Variants in CUL3 observed in about 807,000 individuals in gnomAD.
CUL3 encodes cullin-3.
Under a neutral mutation model 89.1 loss-of-function variants are expected in CUL3, and 19 were observed. That is an observed-to-expected ratio of 0.21 (90% CI 0.15 to 0.31). The LOEUF (loss-of-function observed/expected upper bound fraction) is 0.31, where lower values mean the gene tolerates loss of function less well. CUL3 is among the 10% of genes least tolerant of loss of function. CUL3 has a pLI of 1.00. For missense variants in CUL3, 469 were observed against 942.3 expected, an observed-to-expected ratio of 0.50 and a Z score of 6.58; for synonymous variants, 351 against 308.4, an observed-to-expected ratio of 1.14 and a Z score of -1.45.
chr2:224,505,027 G>A (rs1437978052), intron 8 of CUL3, among the ~76,000 whole-genome samples: 1 of 152,050 alleles, frequency 6.6e-6, no homozygotes, highest in East Asian at 1.9e-4. Flanking sequence ...AGAACCAGAT[G>A]AGAGCAAACA....
chr2:224,535,379 A>T, intron 3 of CUL3, 149 bp downstream of exon 3: 1 of 489,364 alleles, frequency 2.0e-6, no homozygotes, highest in Non-Finnish European at 3.6e-6. Flanking sequence ...CACGCTGGCC[A>T]GGCTGGTCTC....
chr2:224,545,562 C>T (rs1375106385), intron 2 of CUL3, among the ~76,000 whole-genome samples: 1 of 152,140 alleles, frequency 6.6e-6, no homozygotes, highest in Non-Finnish European at 1.5e-5. Flanking sequence ...AAATCAGGTC[C>T]TATTATCAGA....
Position 224,470,477 on chromosome 2 carries a change from ATCAT to A in CUL3, c.*3764_*3767del, listed in dbSNP as rs1691087239. On this transcript the variant is annotated 3_prime_UTR_variant, in exon 16 of 16. Transcript: ENST00000264414. ...AGCTGGCGTAATGGCCAATCTCTGT[ATCAT>A]TACCTGTTAAATTTATCTGCCATTC... The A allele has an allele frequency of 4.3e-6, 1 of 229,916 alleles. No individual in the cohort carries two copies. Among genetic ancestry groups the A allele is most frequent in the African/African-American group, 2.2e-5 (1 of 44,864 alleles). The allele number at this position is 229,916 out of a possible 1,614,324, so 14.2% of individuals were successfully genotyped here. A position where few individuals can be genotyped will look rare whatever the true frequency, so the allele number is the denominator to read the frequency against.
At chr2:224,482,299 TG>T (rs1691565069) in intron 13 of CUL3, among the ~76,000 whole-genome samples, 1 of 152,108 alleles carries the variant, frequency 6.6e-6, no homozygotes, top group African/African-American at 2.4e-5. Flanking sequence ...TAAAAAGACA[TG>T]TACTTTTTTG....
At chr2:224,569,720 A>G (rs1323615616) in intron 1 of CUL3, 2 of 1,220,720 alleles carry the variant, frequency 1.6e-6, no homozygotes, top group East Asian at 1.5e-4. Flanking sequence ...TACTGAGAGA[A>G]CTACATCATG....
intron 1 of CUL3, among the ~76,000 whole-genome samples, chr2:224,581,608 T>C (rs539949791): frequency 6.6e-6 from 1 of 151,100 alleles, no homozygotes; most frequent in Admixed American, 6.6e-5. Flanking sequence ...GTTCAAGTGA[T>C]TCTCGTGCCT....
At chr2:224,530,426 G>A (rs1316112253) in intron 3 of CUL3, among the ~76,000 whole-genome samples, 1 of 151,978 alleles carries the variant, frequency 6.6e-6, no homozygotes, top group Non-Finnish European at 1.5e-5. Flanking sequence ...AGTCTAGGTT[G>A]AGGGTAAAAG....
At chr2:224,509,403 G>C (rs13027922) in intron 6 of CUL3, among the ~76,000 whole-genome samples, 2 of 152,042 alleles carry the variant, frequency 1.3e-5, no homozygotes, top group Non-Finnish European at 1.5e-5. Context: ...TTTTCATAGA[G>C]ACAGGGTTTC....
intron 2 of CUL3, among the ~76,000 whole-genome samples, chr2:224,551,167 G>A (rs554456783): frequency 1.8e-4 from 27 of 151,138 alleles, no homozygotes; most frequent in African/African-American, 5.4e-4. Flanking sequence ...AGCCTCCTGA[G>A]CGACTGTGAC....
chr2:224,579,766 GC>G (rs2106327073), intron 1 of CUL3, among the ~76,000 whole-genome samples: 1 of 152,324 alleles, frequency 6.6e-6, no homozygotes, highest in East Asian at 1.9e-4. Context: ...GATCTTAAGA[GC>G]CTGATTACAT....
rs1403199860 is a variant in CUL3, at chr2:224,557,677, G to C, written c.246C>G (p.Thr82=). ...TTGATACCTTATTTATGAGATGTTC[G>C]GTAACAACTTCTCTTAGTCCAGTGT... The part of the protein sequence containing the change: ...KLYTGLREVV[T]EHLINKVRED... The change falls in exon 2 of 16, where the codon ACC becomes ACG. Residue 82 remains threonine, a synonymous_variant. Coordinates refer to ENST00000264414, the MANE Select transcript of CUL3 (RefSeq NM_003590.5). 1 of 1,609,332 alleles carries C rather than the reference G, an allele frequency of 6.2e-7. No individual in the cohort carries two copies.
At chr2:224,581,504 TTTTC>T (rs1407784343) in intron 1 of CUL3, among the ~76,000 whole-genome samples, 3 of 151,220 alleles carry the variant, frequency 2.0e-5, no homozygotes, top group African/African-American at 4.8e-5. Flanking sequence ...ATAATTTTTC[TTTTC>T]TTTTTTTTTT....
chr2:224,493,122 A>C (rs1692045954), intron 13 of CUL3, among the ~76,000 whole-genome samples: 1 of 152,214 alleles, frequency 6.6e-6, no homozygotes, highest in Admixed American at 6.5e-5. Context: ...CCAACTGAGT[A>C]TCTTCTCAAT....
intron 1 of CUL3, among the ~76,000 whole-genome samples, chr2:224,558,831 A>C (rs1192888367): frequency 1.4e-5 from 2 of 140,734 alleles, no homozygotes; most frequent in Non-Finnish European, 3.1e-5. Flanking sequence ...TCATGAGGTC[A>C]GGAGATCGAG....
intron 3 of CUL3, among the ~76,000 whole-genome samples, chr2:224,527,284 T>C (rs1010425154): frequency 1.3e-5 from 2 of 152,232 alleles, no homozygotes; most frequent in African/African-American, 4.8e-5. Flanking sequence ...CAAAATTCTC[T>C]AAATGTGCAA....
At chr2:224,518,218 T>C (rs1693136602) in intron 3 of CUL3, among the ~76,000 whole-genome samples, 1 of 152,208 alleles carries the variant, frequency 6.6e-6, no homozygotes, top group Admixed American at 6.5e-5. Flanking sequence ...CATATAATTA[T>C]CCTGTAATAT....
rs1387018233 is a variant in CUL3, at chr2:224,472,933, A to G, written c.*1312T>C. On this transcript the variant is annotated 3_prime_UTR_variant, in exon 16 of 16. Transcript: ENST00000264414. ...TCATTTTTCTATCCAACAGAAATCT[A>G]TAGTGGTTTGCCCCATTACATATCT... 1.9e-5 allele frequency: 4 copies of G among 211,282 alleles called. No individual in the cohort carries two copies. The highest frequency in any genetic ancestry group is 2.9e-5 in the Non-Finnish European group (3 of 103,914). 13.1% of individuals were successfully genotyped at this position (211,282 alleles called of 1,614,324 possible).
chr2:224,528,840 C>A (rs781553224), intron 3 of CUL3, among the ~76,000 whole-genome samples: 4 of 151,970 alleles, frequency 2.6e-5, no homozygotes, highest in Non-Finnish European at 5.9e-5. Flanking sequence ...AACACCTTTG[C>A]TGCAAATACC....
intron 1 of CUL3, among the ~76,000 whole-genome samples, chr2:224,573,549 G>C (rs1279183565): frequency 6.6e-6 from 1 of 152,146 alleles, no homozygotes; most frequent in South Asian, 2.1e-4. Context: ...GGAAGCTTAC[G>C]AAGGCTTCTT....
Sources: allele counts gnomAD v4.1 joint callset (sites outside exome capture counted in the v4.1 genomes callset), GRCh38; gene constraint gnomAD v4.1.1; transcripts MANE v1.5; gene names NCBI Gene and HGNC (gene_info 2026-07-23, HGNC 2026-07-21).